Variants in KCTD21 observed in about 807,000 individuals in gnomAD.
KCTD21 encodes potassium channel tetramerization domain containing 21.
In KCTD21, 9 loss-of-function variants were observed where a neutral mutation model predicts 13.2. That is an observed-to-expected ratio of 0.68 (90% CI 0.41 to 1.19). KCTD21 has a LOEUF of 1.19. Ranked by LOEUF, KCTD21 falls within the 50% of genes most tolerant of loss-of-function variation. The probability of loss-of-function intolerance (pLI) is 0.01; values close to 1 mark genes in which losing one functional copy is unlikely to be tolerated. For synonymous variants in KCTD21, 142 were observed against 137.4 expected, an observed-to-expected ratio of 1.03 and a Z score of -0.23; for missense variants, 303 against 336.5, an observed-to-expected ratio of 0.90 and a Z score of 0.78.
At chr11:78,186,547 C>T in intron 1 of KCTD21, 1 of 306,482 alleles carries the variant, frequency 3.3e-6, no homozygotes, top group Non-Finnish European at 4.8e-6. Flanking sequence ...TGATGATGAT[C>T]ATAACAACAA....
At position 78,174,575 on chromosome 11, in the gene KCTD21, G is replaced by T. The variant is rs563934504; in HGVS notation, c.-21C>A. ...GACATGGCAGGAGACTGGGTTGCTG[G>T]AAGTAGTCCTGGAGAGGGTGAGAAG... On this transcript the variant is annotated 5_prime_UTR_variant, in exon 2 of 2. Coordinates refer to ENST00000340067, the MANE Select transcript of KCTD21 (RefSeq NM_001029859.3). 3.0e-5 allele frequency: 48 copies of T among 1,597,396 alleles called. No homozygotes were observed. The South Asian group carries it at 5.4e-4, about 18-fold the overall frequency.
Position 78,174,125 on chromosome 11 carries a change from A to G in KCTD21, c.430T>C (p.Phe144Leu), listed in dbSNP as rs767516883. Residue 144 changes from phenylalanine (F) to leucine (L), a missense_variant, in exon 2 of 2, where the codon TTC becomes CTC. Physicochemically the swap from Phe to Leu is conservative, Grantham distance 22. Transcript: ENST00000340067. ...YSLSSSSMEV[F>L]NANIFSTSCL... ...GAGGTGCTGAAGATGTTGGCGTTGA[A>G]GACCTCCATGCTGGAAGAGGAGAGG... The G allele has an allele frequency of 6.2e-7, 1 of 1,614,164 alleles. No homozygotes were observed. The highest frequency in any genetic ancestry group is 8.5e-7 in the Non-Finnish European group (1 of 1,180,028).
At position 78,178,390 on chromosome 11, in the gene KCTD21, A is replaced by C. The variant is rs368186033; in HGVS notation, c.-29-3807T>G. On this transcript the variant is annotated intron_variant, in intron 1 of 1. Coordinates refer to ENST00000340067, the MANE Select transcript of KCTD21 (RefSeq NM_001029859.3). ...TGATCTGCCCGCCTCGGCCTCCCAA[A>C]GTGCTGGGATTACAGGCGTGAGCCA... 5.1e-4 allele frequency among the ~76,000 whole-genome samples: 78 copies of C among 152,232 alleles called. 1 individual carries two copies. The highest frequency in any genetic ancestry group is 6.8e-3 in the Middle Eastern group (2 of 292).
intron 1 of KCTD21, among the ~76,000 whole-genome samples, chr11:78,181,757 A>T (rs970000875): frequency 1.3e-5 from 2 of 152,120 alleles, no homozygotes; most frequent in Non-Finnish European, 2.9e-5. Context: ...ACCAGCCTGG[A>T]AAACATAGTA....
intron 1 of KCTD21, among the ~76,000 whole-genome samples, chr11:78,181,132 C>A (rs992741812): frequency 6.6e-6 from 1 of 152,154 alleles, no homozygotes; most frequent in Non-Finnish European, 1.5e-5. Context: ...TGGACTAATA[C>A]AGCATACAAT....
intron 1 of KCTD21, among the ~76,000 whole-genome samples, chr11:78,177,472 A>T (rs574942366): frequency 1.1e-3 from 175 of 152,250 alleles, no homozygotes; most frequent in Admixed American, 3.1e-3. Flanking sequence ...TGAGGCAGCA[A>T]CTGGGGAGGG....
intron 1 of KCTD21, chr11:78,188,188 G>C: frequency 1.0e-6 from 1 of 985,040 alleles, no homozygotes; most frequent in Non-Finnish European, 1.2e-6. Flanking sequence ...TCATCGGCTT[G>C]TTCCGCACCC....
At chr11:78,187,952 A>G (rs1378171935) in intron 1 of KCTD21, 1 of 985,184 alleles carries the variant, frequency 1.0e-6, no homozygotes, top group Non-Finnish European at 1.2e-6. Context: ...CGCTATAGTG[A>G]CGCCTCTACT....
At chr11:78,179,314 G>T (rs1005938741) in intron 1 of KCTD21, among the ~76,000 whole-genome samples, 3 of 151,570 alleles carry the variant, frequency 2.0e-5, no homozygotes, top group African/African-American at 7.3e-5. Context: ...GGATTACCAC[G>T]TCTGCCCCTC....
intron 1 of KCTD21, among the ~76,000 whole-genome samples, chr11:78,179,946 G>A (rs1215458530): frequency 2.6e-5 from 4 of 152,094 alleles, no homozygotes; most frequent in South Asian, 2.1e-4. Flanking sequence ...CACCTGCAGC[G>A]ATCTCCTTTG....
At chr11:78,187,597 T>C in intron 1 of KCTD21, 2 of 985,402 alleles carry the variant, frequency 2.0e-6, no homozygotes, top group Non-Finnish European at 2.4e-6. Context: ...ACCTTGTGCT[T>C]TTCCTCCGGC....
At chr11:78,179,919 G>A (rs1272716808) in intron 1 of KCTD21, among the ~76,000 whole-genome samples, 2 of 152,086 alleles carry the variant, frequency 1.3e-5, no homozygotes, top group African/African-American at 4.8e-5. Flanking sequence ...AACCCCCTCT[G>A]GCAGCACCCA....
At chr11:78,185,587 C>A (rs1012083873) in intron 1 of KCTD21, among the ~76,000 whole-genome samples, 4 of 151,304 alleles carry the variant, frequency 2.6e-5, no homozygotes, top group African/African-American at 9.8e-5. Context: ...GAAACCACAC[C>A]ACTAGGCCTA....
At position 78,171,260 on chromosome 11, in the gene KCTD21, T is replaced by C. The variant is rs1862274235; in HGVS notation, c.*2512A>G. The C allele has an allele frequency of 6.5e-6, 1 of 152,680 alleles. No individual in the cohort carries two copies. Among genetic ancestry groups the C allele is most frequent in the Non-Finnish European group, 1.5e-5 (1 of 68,052 alleles). The allele number at this position is 152,680 out of a possible 1,614,324, so 9.5% of individuals were successfully genotyped here. On this transcript the variant is annotated 3_prime_UTR_variant, in exon 2 of 2. Transcript: ENST00000340067. ...CAAAAGAATAACAATCCTTTATCAT[T>C]TATACTGTATTCTCACGTTACATTA...
chr11:78,177,776 T>C (rs551605922), intron 1 of KCTD21: 4 of 152,434 alleles, frequency 2.6e-5, no homozygotes, highest in South Asian at 2.1e-4. Flanking sequence ...CAGAGAGGAC[T>C]TGGACAGTTC....
intron 1 of KCTD21, among the ~76,000 whole-genome samples, chr11:78,186,357 G>A (rs1477703422): frequency 9.7e-6 from 1 of 102,788 alleles, no homozygotes; most frequent in Non-Finnish European, 1.8e-5. Context: ...GGGCAACAGA[G>A]TAAGACCCTG....
chr11:78,176,548 C>G (rs917137976), intron 1 of KCTD21, among the ~76,000 whole-genome samples: 1 of 152,188 alleles, frequency 6.6e-6, no homozygotes, highest in East Asian at 1.9e-4. Context: ...CAATCCTTCC[C>G]TGACATGGCA....
chr11:78,171,916 CAGAG>C lies in KCTD21; in HGVS notation c.*1852_*1855del, dbSNP rs1308917747. ...CCACTGTGCCTGGCAGAAAAGCTGTCAGAGAGACTCCTGGGTCCCACCGTAGGGG... is the reference window on the plus strand; with the variant it reads ...CCACTGTGCCTGGCAGAAAAGCTGTCAGACTCCTGGGTCCCACCGTAGGGG... On this transcript the variant is annotated 3_prime_UTR_variant, in exon 2 of 2. Transcript: ENST00000340067. 6.6e-6 allele frequency: 1 copy of C among 152,328 alleles called. No homozygotes were observed. The highest frequency in any genetic ancestry group is 1.5e-5 in the Non-Finnish European group (1 of 68,150). 9.4% of individuals were successfully genotyped at this position (152,328 alleles called of 1,614,324 possible).
At chr11:78,182,705 G>A (rs1862665961) in intron 1 of KCTD21, among the ~76,000 whole-genome samples, 1 of 152,108 alleles carries the variant, frequency 6.6e-6, no homozygotes, top group African/African-American at 2.4e-5. Context: ...GTGGATTCTT[G>A]ACCTCAGAGT....
Sources: allele counts gnomAD v4.1 joint callset (sites outside exome capture counted in the v4.1 genomes callset), GRCh38; gene constraint gnomAD v4.1.1; transcripts MANE v1.5; gene names NCBI Gene and HGNC (gene_info 2026-07-23, HGNC 2026-07-21).